ENDOD1: variants seen among roughly 807,000 people sequenced by gnomAD.
The protein encoded by ENDOD1 is endonuclease domain containing 1.
In ENDOD1, 9 loss-of-function variants were observed where a neutral mutation model predicts 6.5. The observed-to-expected ratio is 1.39, with a 90% CI of 0.84 to 2.43. The LOEUF (loss-of-function observed/expected upper bound fraction) is 2.43. Among genes scored for constraint, ENDOD1 ranks in the 30% most tolerant of loss-of-function variants. The probability of loss-of-function intolerance (pLI) is 0.00; values close to 1 mark genes in which losing one functional copy is unlikely to be tolerated. For missense variants in ENDOD1, 648 were observed against 635.5 expected (o/e 1.02, Z -0.21); for synonymous variants, 255 against 255.2 (o/e 1.00, Z 0.01).
At position 95,131,323 on chromosome 11, in the gene ENDOD1, G is replaced by A. The variant is rs762993842; in HGVS notation, c.*1744G>A. On this transcript the variant is annotated 3_prime_UTR_variant, in exon 2 of 2. Coordinates refer to ENST00000278505, the MANE Select transcript of ENDOD1 (RefSeq NM_015036.3). Reference sequence around the variant, plus strand: ...TCAGCAGTGTGAAGGTAAATGGAAGGGTGAGGGTTTGACTTGGTACTGATT... The same window carrying A: ...TCAGCAGTGTGAAGGTAAATGGAAGAGTGAGGGTTTGACTTGGTACTGATT... 6 of 152,202 alleles carry A rather than the reference G, an allele frequency of 3.9e-5. No individual in the cohort carries two copies. Among genetic ancestry groups the A allele is most frequent in the Admixed American group, 3.3e-4 (5 of 15,284 alleles). The allele number at this position is 152,202 out of a possible 1,614,324, so 9.4% of individuals were successfully genotyped here. A position where few individuals can be genotyped will look rare whatever the true frequency, so the allele number is the denominator to read the frequency against.
chr11:95,125,982 T>C (rs11021049), intron 1 of ENDOD1, among the ~76,000 whole-genome samples: 38,291 of 152,012 alleles, frequency 0.25, 6,165 homozygotes, highest in Non-Finnish European at 0.36. Flanking sequence ...CTGGGTCAAA[T>C]GGTATTTCTA....
rs781314840 is a variant in ENDOD1 at position 95,129,195 on chromosome 11, A to C, written c.1119A>C (p.Glu373Asp). 1 of 1,614,030 alleles carries C rather than the reference A, an allele frequency of 6.2e-7. No individual in the cohort carries two copies. Among genetic ancestry groups the C allele is most frequent in the Non-Finnish European group, 8.5e-7 (1 of 1,180,034 alleles). ...CVTKQVINGI[E>D]SCLYRLGSAT... Reference sequence around the variant, plus strand: ...CCAAGCAGGTGATTAATGGCATAGAAAGTTGCCTTTACCGCCTGGGCTCAG... The same window carrying C: ...CCAAGCAGGTGATTAATGGCATAGACAGTTGCCTTTACCGCCTGGGCTCAG... The change falls in exon 2 of 2, where the codon GAA (glutamate) becomes GAC (aspartate). Residue 373 changes from glutamate (E) to aspartate (D), a missense_variant. Coordinates refer to ENST00000278505, the MANE Select transcript of ENDOD1 (RefSeq NM_015036.3).
At chr11:95,099,645 C>T (rs1859019314) in intron 1 of ENDOD1, among the ~76,000 whole-genome samples, 1 of 152,248 alleles carries the variant, frequency 6.6e-6, no homozygotes, top group South Asian at 2.1e-4. Context: ...AGGGACTTTG[C>T]TCTAACTCAG....
At chr11:95,091,128 T>G (rs1858927010) in intron 1 of ENDOD1, among the ~76,000 whole-genome samples, 1 of 152,018 alleles carries the variant, frequency 6.6e-6, no homozygotes, top group Non-Finnish European at 1.5e-5. Context: ...TCTTAATACC[T>G]CTCCTCAGTT....
At chr11:95,110,583 ATGTG>A (rs35270641) in intron 1 of ENDOD1, among the ~76,000 whole-genome samples, 5,126 of 147,736 alleles carry the variant, frequency 0.035, 295 homozygotes, top group African/African-American at 0.12. Flanking sequence ...CCGTGTATGT[ATGTG>A]TGTGTGTGTG....
At chr11:95,102,048 T>G (rs1315937315) in intron 1 of ENDOD1, among the ~76,000 whole-genome samples, 1 of 152,158 alleles carries the variant, frequency 6.6e-6, no homozygotes, top group Non-Finnish European at 1.5e-5. Flanking sequence ...CCTTCCCTGT[T>G]CCTGCACAGA....
intron 1 of ENDOD1, among the ~76,000 whole-genome samples, chr11:95,109,677 A>C (rs1555111725): frequency 6.6e-6 from 1 of 152,102 alleles, no homozygotes; most frequent in African/African-American, 2.4e-5. Context: ...CGCTGTCTCC[A>C]CTCACACCAG....
intron 1 of ENDOD1, among the ~76,000 whole-genome samples, chr11:95,111,884 C>T (rs1555111978): frequency 6.6e-6 from 1 of 152,172 alleles, no homozygotes; most frequent in East Asian, 1.9e-4. Context: ...GTTCCCTTTA[C>T]CTTGCATGGA....
At chr11:95,099,265 T>C (rs1555110629) in intron 1 of ENDOD1, among the ~76,000 whole-genome samples, 1 of 152,222 alleles carries the variant, frequency 6.6e-6, no homozygotes, top group Non-Finnish European at 1.5e-5. Flanking sequence ...GCAACAGATT[T>C]TGTCCCCTGC....
At chr11:95,114,876 A>G (rs1462005412) in intron 1 of ENDOD1, among the ~76,000 whole-genome samples, 5 of 152,176 alleles carry the variant, frequency 3.3e-5, no homozygotes, top group Non-Finnish European at 7.3e-5. Flanking sequence ...TACCAGTAAC[A>G]TGCTGTTTAG....
intron 1 of ENDOD1, 25 bp downstream of exon 1, chr11:95,090,252 G>T: frequency 7.4e-7 from 1 of 1,357,900 alleles, no homozygotes; most frequent in Non-Finnish European, 9.5e-7. Context: ...TCCCGAGCCG[G>T]GCTGCGGGCG....
At chr11:95,096,227 CTTTTTTTTTTTTTTTT>C (rs10660230) in intron 1 of ENDOD1, among the ~76,000 whole-genome samples, 1 of 49,964 alleles carries the variant, frequency 2.0e-5, no homozygotes, top group African/African-American at 8.3e-5. Flanking sequence ...GTCAAGAAAG[CTTTTTTTTTTTTTTTT>C]TTTTTTTTTC....
intron 1 of ENDOD1, among the ~76,000 whole-genome samples, chr11:95,096,927 C>G (rs1253846433): frequency 6.6e-6 from 1 of 152,142 alleles, no homozygotes; most frequent in Non-Finnish European, 1.5e-5. Flanking sequence ...CTTTGGGAGG[C>G]CAAGGCGGTC....
At chr11:95,124,361 T>G (rs1565448951) in intron 1 of ENDOD1, among the ~76,000 whole-genome samples, 1 of 152,208 alleles carries the variant, frequency 6.6e-6, no homozygotes, top group Non-Finnish European at 1.5e-5. Context: ...TCAAAAAATA[T>G]TAGTCTCCAA....
chr11:95,113,340 A>G (rs1353601547), intron 1 of ENDOD1, among the ~76,000 whole-genome samples: 3 of 151,910 alleles, frequency 2.0e-5, no homozygotes, highest in African/African-American at 7.3e-5. Flanking sequence ...CTTATTTATT[A>G]TTCTTTCTTT....
In ENDOD1 at chr11:95,128,449, G is replaced by A. The variant is rs757140195; in HGVS notation, c.373G>A (p.Gly125Arg). 3.7e-6 allele frequency: 6 copies of A among 1,614,092 alleles called. No individual in the cohort carries two copies. In the Admixed American group the frequency reaches 5.0e-5, roughly 13 times the overall value. The change falls in exon 2 of 2, where the codon GGA becomes AGA. Residue 125 changes from glycine (G) to arginine (R), a missense_variant. Transcript: ENST00000278505. ...AEAITSVNSL[G>R]SKQALNTDYL... is the part of the protein sequence containing the mutation. Reference sequence around the variant, plus strand: ...GGCCATCACCTCTGTGAACAGCCTGGGAAGCAAGCAAGCCTTGAATACAGA... The same window carrying A: ...GGCCATCACCTCTGTGAACAGCCTGAGAAGCAAGCAAGCCTTGAATACAGA...
chr11:95,123,320 T>A (rs1305460571), intron 1 of ENDOD1, among the ~76,000 whole-genome samples: 2 of 151,154 alleles, frequency 1.3e-5, no homozygotes, highest in African/African-American at 2.4e-5. Flanking sequence ...AAGATAAAAT[T>A]GACAGAAATG....
At chr11:95,111,218 G>T (rs1248687416) in intron 1 of ENDOD1, among the ~76,000 whole-genome samples, 7 of 152,080 alleles carry the variant, frequency 4.6e-5, no homozygotes, top group African/African-American at 1.7e-4. Flanking sequence ...AAGTCCTCAG[G>T]GATGGGAGTC....
chr11:95,129,409 A>G lies in ENDOD1; in HGVS notation c.1333A>G (p.Met445Val). The G allele has an allele frequency of 1.4e-5, 23 of 1,614,174 alleles. No individual in the cohort carries two copies. Among genetic ancestry groups the G allele is most frequent in the East Asian group, 2.2e-5 (1 of 44,874 alleles). Residue 445 changes from methionine (M) to valine (V), a missense_variant, in exon 2 of 2, where the codon ATG becomes GTG. Physicochemically the swap from Met to Val is conservative, Grantham distance 21 (BLOSUM62 1). Transcript: ENST00000278505. ...TGTGGCCACTTTCCCTGTGTACACC[A>G]TGGGCGCTATTCCAATTGTTTGCAA... ...VDVATFPVYT[M>V]GAIPIVCKDI... is the part of the protein sequence containing the mutation.
Sources: allele counts gnomAD v4.1 joint callset (sites outside exome capture counted in the v4.1 genomes callset), GRCh38; gene constraint gnomAD v4.1.1; transcripts MANE v1.5; gene names NCBI Gene and HGNC (gene_info 2026-07-23, HGNC 2026-07-21).